The following RNF213 variants were observed in gnomAD, a reference collection of about 807,000 sequenced individuals.
The protein encoded by RNF213 is ring finger protein 213.
A neutral mutation model predicts 514.4 loss-of-function variants in RNF213; 341 were observed. The observed-to-expected ratio is 0.66, with a 90% CI of 0.61 to 0.73. The LOEUF (loss-of-function observed/expected upper bound fraction) is 0.73, where lower values mean the gene tolerates loss of function less well. Among genes scored for constraint, RNF213 ranks in the 30% least tolerant of loss-of-function variants. The pLI is 0.00. For synonymous variants in RNF213, 2,655 were observed against 2,658.2 expected (o/e 1.00, Z 0.04); for missense variants, 5,767 against 6,615.6 (o/e 0.87, Z 4.45).
chr17:80,381,654 C>T lies in RNF213; in HGVS notation c.13905C>T (p.Ala4635=), dbSNP rs113376734. Residue 4635 remains alanine, a synonymous_variant, in exon 57 of 68, where the codon GCC becomes GCT. Coordinates refer to ENST00000582970, the MANE Select transcript of RNF213 (RefSeq NM_001256071.3). Reference sequence around the variant, plus strand: ...TGGCCAAGATGCTGGGACACAGTGCCGACGAGACCATCGGCGTGGTCCACC... The same window carrying T: ...TGGCCAAGATGCTGGGACACAGTGCTGACGAGACCATCGGCGTGGTCCACC... ...EQLAKMLGHS[A]DETIGVVHLV... is the part of the protein sequence containing the mutation. 1.9e-6 allele frequency: 3 copies of T among 1,614,200 alleles called. No homozygotes were observed. Among genetic ancestry groups the T allele is most frequent in the African/African-American group, 2.7e-5 (2 of 75,050 alleles).
chr17:80,287,283 C>T (rs1370764142), intron 3 of RNF213, among the ~76,000 whole-genome samples: 1 of 152,098 alleles, frequency 6.6e-6, no homozygotes, highest in Admixed American at 6.6e-5. Flanking sequence ...ATTGCCTGAG[C>T]CTGAGATTTC....
intron 16 of RNF213, among the ~76,000 whole-genome samples, chr17:80,318,437 C>G (rs566381138): frequency 6.6e-6 from 1 of 152,268 alleles, no homozygotes; most frequent in African/African-American, 2.4e-5. Flanking sequence ...TGCCCATAGG[C>G]AGGAAGTCTA....
chr17:80,293,416 A>G (rs1343334181), intron 8 of RNF213, among the ~76,000 whole-genome samples: 1 of 152,192 alleles, frequency 6.6e-6, no homozygotes, highest in Non-Finnish European at 1.5e-5. Context: ...CTTTGAAAGA[A>G]TAGGCATTAG....
chr17:80,385,677 C>T, intron 61 of RNF213, 56 bp downstream of exon 61: 1 of 1,467,196 alleles, frequency 6.8e-7, no homozygotes, highest in Non-Finnish European at 9.5e-7. Flanking sequence ...CGTCTGAAAG[C>T]TCTTCTCGTC....
intron 46 of RNF213, among the ~76,000 whole-genome samples, chr17:80,371,383 G>A (rs761209803): frequency 8.5e-5 from 13 of 152,242 alleles, no homozygotes; most frequent in South Asian, 2.1e-4. Flanking sequence ...TGGGGAGCAG[G>A]GCAGGCAGGC....
chr17:80,312,432 C>G (rs2045603009), intron 14 of RNF213, among the ~76,000 whole-genome samples: 1 of 150,460 alleles, frequency 6.6e-6, no homozygotes, highest in Non-Finnish European at 1.5e-5. Flanking sequence ...CCAGGTTTAC[C>G]TCCGGGTCAG....
Position 80,376,291 on chromosome 17 carries a change from T to C in RNF213, c.13186-10T>C, listed in dbSNP as rs984659251. ...TGATACATCTTAATGTTAAGTTTTT[T>C]TCCTGTCAGCAATGTGAAGCTGTGA... On this transcript the variant is annotated splice_polypyrimidine_tract_variant and intron_variant, in intron 51 of 67. Transcript: ENST00000582970. The C allele has an allele frequency of 6.2e-7, 1 of 1,614,110 alleles. No homozygotes were observed. Among genetic ancestry groups the C allele is most frequent in the Non-Finnish European group, 8.5e-7 (1 of 1,180,036 alleles).
intron 29 of RNF213, among the ~76,000 whole-genome samples, chr17:80,348,936 C>T (rs1206664901): frequency 2.6e-5 from 4 of 152,198 alleles, no homozygotes; most frequent in Admixed American, 1.3e-4. Context: ...GCACTGGAGG[C>T]ACGCTTGTCT....
At chr17:80,269,607 T>G (rs2043747012) in intron 2 of RNF213, among the ~76,000 whole-genome samples, 1 of 152,026 alleles carries the variant, frequency 6.6e-6, no homozygotes, top group African/African-American at 2.4e-5. Context: ...TATCTGTTTA[T>G]CTATCATCTG....
chr17:80,310,175 GTC>G (rs576524065), intron 14 of RNF213, among the ~76,000 whole-genome samples: 19 of 152,028 alleles, frequency 1.2e-4, no homozygotes, highest in Non-Finnish European at 2.4e-4. Flanking sequence ...CTTCTTTCCC[GTC>G]TCTGTGCAGT....
chr17:80,265,724 G>A (rs1158041373), intron 2 of RNF213, among the ~76,000 whole-genome samples: 1 of 152,196 alleles, frequency 6.6e-6, no homozygotes, highest in Non-Finnish European at 1.5e-5. Context: ...GCGATTAGCT[G>A]AGTTAAAATG....
intron 17 of RNF213, 169 bp downstream of exon 17, chr17:80,319,481 T>C (rs201764802): frequency 6.2e-7 from 1 of 1,614,098 alleles, no homozygotes; most frequent in Non-Finnish European, 8.5e-7. Context: ...TGAAATCTAG[T>C]TCTCTCCGGA....
At chr17:80,287,695 A>C in intron 3 of RNF213, 120 bp from the exon 4 acceptor site, 1 of 794,916 alleles carries the variant, frequency 1.3e-6, no homozygotes, top group Non-Finnish European at 2.1e-6. Flanking sequence ...AACAGATGTT[A>C]GGTACTTTGG....
chr17:80,389,935 C>G lies in RNF213; in HGVS notation c.15285+18C>G, dbSNP rs1347419475. 9.3e-6 allele frequency: 15 copies of G among 1,613,934 alleles called. No homozygotes were observed. Among genetic ancestry groups the G allele is most frequent in the Non-Finnish European group, 1.3e-5 (15 of 1,179,768 alleles). On this transcript the variant is annotated intron_variant, in intron 66 of 67. Coordinates refer to ENST00000582970, the MANE Select transcript of RNF213 (RefSeq NM_001256071.3). ...TGCACAAAGTAAGTCTGGTCTCTTCCTCTCTGCTGGACAGAGGGACTGCGC... is the reference window on the plus strand; with the variant it reads ...TGCACAAAGTAAGTCTGGTCTCTTCGTCTCTGCTGGACAGAGGGACTGCGC...
rs1224479974 is a variant in RNF213, at chr17:80,337,666, G to C, written c.4608G>C (p.Leu1536=). ...HGSVERSSLT[L]ATAINQRGIY... ...CTGTGGAACGCTCATCCCTGACCCT[G>C]GCCACGGCCATCAACCAAAGAGGCA... The change falls in exon 24 of 68, where the codon CTG becomes CTC. Residue 1536 remains leucine (L), a synonymous_variant. Coordinates refer to ENST00000582970, the MANE Select transcript of RNF213 (RefSeq NM_001256071.3). 5 of 1,537,168 alleles carry C rather than the reference G, an allele frequency of 3.3e-6. No individual in the cohort carries two copies. The East Asian group carries it at 1.2e-4, about 38-fold the overall frequency.
Position 80,347,798 on chromosome 17 carries a change from G to T in RNF213, c.9463G>T (p.Asp3155Tyr). ...CCGCCTGATTGTCATTGAAGAGAAA[G>T]ACGTCGTGTACAAACACTTTCCCAT... The part of the protein sequence containing the change: ...NFRLIVIEEK[D>Y]VVYKHFPIPL... Residue 3155 changes from aspartate (D) to tyrosine (Y), a missense_variant, in exon 29 of 68, where the codon GAC (aspartate) becomes TAC (tyrosine). Transcript: ENST00000582970. The surrounding 1 kb of genome is among the most constrained non-coding windows in gnomAD (Gnocchi z 7.2). 1.9e-6 allele frequency: 3 copies of T among 1,614,200 alleles called. No homozygotes were observed. The highest frequency in any genetic ancestry group is 2.5e-6 in the Non-Finnish European group (3 of 1,180,044).
intron 11 of RNF213, 107 bp downstream of exon 11, chr17:80,298,625 A>C: frequency 8.7e-7 from 1 of 1,143,146 alleles, no homozygotes. Context: ...CCTGATTCTA[A>C]TGACAGAACT....
At position 80,347,031 on chromosome 17, in the gene RNF213, T is replaced by C. The variant is rs2078335636; in HGVS notation, c.8696T>C (p.Phe2899Ser). The C allele has an allele frequency of 6.2e-7, 1 of 1,613,908 alleles. No individual in the cohort carries two copies. Residue 2899 changes from phenylalanine (F) to serine (S), a missense_variant, in exon 29 of 68, where the codon TTT becomes TCT. Phe to Ser is a radical substitution (Grantham distance 155). Coordinates refer to ENST00000582970, the MANE Select transcript of RNF213 (RefSeq NM_001256071.3). The surrounding 1 kb of genome is among the most constrained non-coding windows in gnomAD (Gnocchi z 7.2). ...LDPAKMNRGI[F>S]VSRGSPNETE... ...CCTGCCAAGATGAACCGGGGCATTT[T>C]TGTGTCACGTGGCAGCCCCAACGAG... is the stretch of plus-strand genomic sequence containing the variant.
chr17:80,332,390 C>G lies in RNF213; in HGVS notation c.3902C>G (p.Ala1301Gly). Residue 1301 changes from alanine to glycine, a missense_variant, in exon 21 of 68, where the codon GCA (alanine) becomes GGA (glycine). This residue lies in a region of RNF213 where 516 missense variants were observed against 566.5 expected (regional missense o/e 0.91). Coordinates refer to ENST00000582970, the MANE Select transcript of RNF213 (RefSeq NM_001256071.3). Reference sequence around the variant, plus strand: ...CTAAAGTCAGGAGAGGTCACCCTTGCAGAGATTGATGTCATCTTCAAGGAC... The same window carrying G: ...CTAAAGTCAGGAGAGGTCACCCTTGGAGAGATTGATGTCATCTTCAAGGAC... ...QDLKSGEVTL[A>G]EIDVIFKDFV... is the part of the protein sequence containing the mutation. The G allele has an allele frequency of 6.5e-7, 1 of 1,537,168 alleles. No individual in the cohort carries two copies. The highest frequency in any genetic ancestry group is 8.7e-7 in the Non-Finnish European group (1 of 1,146,908).
Sources: gnomAD v4.1 joint callset for allele counts (sites outside exome capture counted in the v4.1 genomes callset) on GRCh38, gnomAD v4.1.1 for gene constraint, gnomAD v4.1.1 regional missense constraint, Gnocchi (gnomAD v3.1) non-coding constraint, MANE v1.5 for transcripts, NCBI Gene and HGNC (gene_info 2026-07-23, HGNC 2026-07-21) for gene names.